GRK3: variants seen among roughly 807,000 people sequenced by gnomAD.
The protein encoded by GRK3 is G protein-coupled receptor kinase 3.
Under a neutral mutation model 95.7 loss-of-function variants are expected in GRK3, and 54 were observed. The ratio of observed to expected loss-of-function variants is 0.56; its 90% confidence interval spans 0.45 to 0.71. GRK3 has a LOEUF of 0.71. Among genes scored for constraint, GRK3 ranks in the 30% least tolerant of loss-of-function variants. The pLI is 0.00. For synonymous variants in GRK3, 281 were observed against 290.8 expected, an observed-to-expected ratio of 0.97 and a Z score of 0.34; for missense variants, 649 against 851.2, an observed-to-expected ratio of 0.76 and a Z score of 2.96.
rs369253415 is a variant in GRK3, at chr22:25,573,155, C to T, written c.113+8002C>T. Among the ~76,000 whole-genome samples the T allele has an allele frequency of 2.0e-5, 3 of 152,202 alleles. No homozygotes were observed. In the East Asian group the frequency reaches 5.8e-4, roughly 29 times the overall value. On this transcript the variant is annotated intron_variant, in intron 1 of 20. Transcript: ENST00000324198. The stretch of plus-strand genomic sequence containing the variant: ...CAAGATGCCTTTTATAGGAAGCTGT[C>T]CCCAGCTCCTTTACTTATTCCTCAT...
intron 1 of GRK3, among the ~76,000 whole-genome samples, chr22:25,566,561 C>A (rs1931494608): frequency 6.6e-6 from 1 of 152,148 alleles, no homozygotes; most frequent in Admixed American, 6.5e-5. Flanking sequence ...CTTTGATAGA[C>A]AATGCCAAGT....
intron 2 of GRK3, among the ~76,000 whole-genome samples, chr22:25,631,071 AC>A (rs2084660630): frequency 6.6e-6 from 1 of 152,202 alleles, no homozygotes; most frequent in African/African-American, 2.4e-5. Context: ...TCCTATTGGA[AC>A]TTGGAAGAAA....
intron 18 of GRK3, among the ~76,000 whole-genome samples, chr22:25,717,983 GCAATA>G (rs2085400151): frequency 6.6e-6 from 1 of 152,134 alleles, no homozygotes. Context: ...CCCTCCCAGA[GCAATA>G]AATGAACATC....
chr22:25,674,128 G>C lies in GRK3; in HGVS notation c.556-309G>C, dbSNP rs2085007291. On this transcript the variant is annotated intron_variant, in intron 7 of 20. Transcript: ENST00000324198. Reference sequence around the variant, plus strand: ...ACATTTCACATTCACTTGTCCTCAAGGTATACATATTGTAATCTGGGATTT... The same window carrying C: ...ACATTTCACATTCACTTGTCCTCAACGTATACATATTGTAATCTGGGATTT... Among the ~76,000 whole-genome samples the C allele has an allele frequency of 3.3e-5, 5 of 152,108 alleles. 1 individual carries two copies. Among genetic ancestry groups the C allele is most frequent in the Admixed American group, 3.3e-4 (5 of 15,272 alleles).
intron 3 of GRK3, chr22:25,647,237 G>T: frequency 1.8e-6 from 1 of 550,140 alleles, no homozygotes; most frequent in Non-Finnish European, 2.8e-6. Context: ...ACTCATGAGA[G>T]CACAGCCAGA....
intron 2 of GRK3, among the ~76,000 whole-genome samples, chr22:25,642,481 GGAT>G (rs1230629542): frequency 6.6e-6 from 1 of 152,016 alleles, no homozygotes; most frequent in Non-Finnish European, 1.5e-5. Context: ...AAGATTCAGA[GGAT>G]GATCTTTTAT....
rs148928364 is a variant in GRK3 at position 25,601,416 on chromosome 22, T to C, written c.114-2961T>C. 2.2e-3 allele frequency among the ~76,000 whole-genome samples: 329 copies of C among 152,232 alleles called. 5 individuals carry two copies. The highest frequency in any genetic ancestry group is 7.4e-3 in the African/African-American group (307 of 41,544). ...AACACATTTCTAAATTACTCATAGG[T>C]CAAGGAAGAAATCTCAAGGGAAATT... On this transcript the variant is annotated intron_variant, in intron 1 of 20. Coordinates refer to ENST00000324198, the MANE Select transcript of GRK3 (RefSeq NM_005160.4).
chr22:25,645,004 G>A (rs1186868491), intron 3 of GRK3, among the ~76,000 whole-genome samples: 2 of 152,186 alleles, frequency 1.3e-5, no homozygotes, highest in African/African-American at 4.8e-5. Context: ...TGTGAGCAGA[G>A]GCAGAGGACT....
chr22:25,695,340 G>A (rs2085198968), intron 13 of GRK3, 126 bp downstream of exon 13: 1 of 632,812 alleles, frequency 1.6e-6, no homozygotes, highest in Admixed American at 2.8e-5. Flanking sequence ...TTTAAGCCAT[G>A]TGCTAATCTG....
At chr22:25,649,762 G>T (rs1231357591) in intron 3 of GRK3, among the ~76,000 whole-genome samples, 1 of 152,064 alleles carries the variant, frequency 6.6e-6, no homozygotes, top group Non-Finnish European at 1.5e-5. Flanking sequence ...GCCTCCTTTT[G>T]CATGGACATG....
intron 3 of GRK3, chr22:25,647,822 G>A: frequency 1.2e-6 from 1 of 833,040 alleles, no homozygotes. Flanking sequence ...GGAAGAGAGA[G>A]TGAAATGGCT....
In GRK3 at chr22:25,710,989, C is replaced by T. The variant is rs952099359; in HGVS notation, c.1396-79C>T. The T allele has an allele frequency of 6.5e-6, 5 of 768,294 alleles. No homozygotes were observed. The African/African-American group carries it at 8.7e-5, about 13-fold the overall frequency. 47.6% of individuals were successfully genotyped at this position (768,294 alleles called of 1,614,324 possible). On this transcript the variant is annotated intron_variant, in intron 16 of 20. Coordinates refer to ENST00000324198, the MANE Select transcript of GRK3 (RefSeq NM_005160.4). ...GAGCATGCGGATATCTCGCACTGTGCTGTCTTTGTAGAATGTTAGGTTGGG... is the reference window on the plus strand; with the variant it reads ...GAGCATGCGGATATCTCGCACTGTGTTGTCTTTGTAGAATGTTAGGTTGGG...
chr22:25,690,562 G>T (rs915595988), intron 12 of GRK3, among the ~76,000 whole-genome samples: 1 of 152,246 alleles, frequency 6.6e-6, no homozygotes, highest in Non-Finnish European at 1.5e-5. Context: ...CATGCTACCT[G>T]TGTGACCCTA....
At chr22:25,643,124 C>T (rs1025528512) in intron 2 of GRK3, among the ~76,000 whole-genome samples, 2 of 152,146 alleles carry the variant, frequency 1.3e-5, no homozygotes, top group Admixed American at 6.5e-5. Context: ...GAAGAGACAA[C>T]GATTACTCTT....
chr22:25,585,632 T>C (rs1436738340), intron 1 of GRK3, among the ~76,000 whole-genome samples: 2 of 152,280 alleles, frequency 1.3e-5, no homozygotes, highest in East Asian at 3.8e-4. Context: ...AATCATAAAG[T>C]TGTTGCTCTT....
intron 3 of GRK3, among the ~76,000 whole-genome samples, chr22:25,655,878 A>G (rs2084867365): frequency 6.6e-6 from 1 of 152,192 alleles, no homozygotes; most frequent in Admixed American, 6.5e-5. Flanking sequence ...TGAGTTTCAA[A>G]TAGGACACCA....
intron 1 of GRK3, among the ~76,000 whole-genome samples, chr22:25,580,070 G>C (rs2146317840): frequency 6.6e-6 from 1 of 152,262 alleles, no homozygotes; most frequent in East Asian, 1.9e-4. Context: ...CCAAATGGTG[G>C]ACTTGAATAT....
intron 1 of GRK3, among the ~76,000 whole-genome samples, chr22:25,590,223 A>T (rs1323431031): frequency 6.6e-6 from 1 of 152,264 alleles, no homozygotes. Flanking sequence ...TTCAGAATAC[A>T]AAAGTGAAAG....
intron 9 of GRK3, among the ~76,000 whole-genome samples, chr22:25,683,611 C>T (rs769659103): frequency 6.6e-6 from 1 of 152,090 alleles, no homozygotes; most frequent in Non-Finnish European, 1.5e-5. Context: ...TTTTAATTTG[C>T]GTTACCTTGG....
Sources: allele counts gnomAD v4.1 joint callset (sites outside exome capture counted in the v4.1 genomes callset), GRCh38; gene constraint gnomAD v4.1.1; transcripts MANE v1.5; gene names NCBI Gene and HGNC (gene_info 2026-07-23, HGNC 2026-07-21).